The following SLC12A7 variants were observed in gnomAD, a reference collection of about 807,000 sequenced individuals.
The protein encoded by SLC12A7 is solute carrier family 12 member 7, also known as K-Cl cotransporter 4.
A neutral mutation model predicts 120.6 loss-of-function variants in SLC12A7; 100 were observed. That is an observed-to-expected ratio of 0.83 (90% CI 0.71 to 0.98). SLC12A7 has a LOEUF of 0.98. Among genes scored for constraint, SLC12A7 ranks in the 50% least tolerant of loss-of-function variants. The pLI is 0.00. For synonymous variants in SLC12A7, 760 were observed against 678.0 expected, an observed-to-expected ratio of 1.12 and a Z score of -1.88; for missense variants, 1,373 against 1,548.1, an observed-to-expected ratio of 0.89 and a Z score of 1.90.
At chr5:1,126,940 G>A in the SLC12A7 span, among the ~76,000 whole-genome samples, 3 of 152,196 alleles carry the variant, frequency 2.0e-5, no homozygotes, top group African/African-American at 7.2e-5. Context: ...TGACTGGGAG[G>A]TGGCTCCTTG....
At chr5:1,098,150 T>A (rs1741516275) in intron 1 of SLC12A7, among the ~76,000 whole-genome samples, 1 of 43,600 alleles carries the variant, frequency 2.3e-5, no homozygotes, top group Non-Finnish European at 3.9e-5. Flanking sequence ...CCCACAACCC[T>A]CTGCAAGCCC....
At position 1,052,315 on chromosome 5, in the gene SLC12A7, G is replaced by A. The variant is rs771243015; in HGVS notation, c.*45C>T. The A allele has an allele frequency of 9.8e-6, 15 of 1,530,084 alleles. No individual in the cohort carries two copies. Among genetic ancestry groups the A allele is most frequent in the Middle Eastern group, 1.7e-4 (1 of 5,930 alleles). The allele number at this position is 1,530,084 out of a possible 1,614,324, so 94.8% of individuals were successfully genotyped here. On this transcript the variant is annotated 3_prime_UTR_variant, in exon 24 of 24. Transcript: ENST00000264930. ...CCAAGCCCAGGCCCAGGCTGCCCAC[G>A]CCGTCCTCCGTGCCTGTCCCAGAGT... is the stretch of plus-strand genomic sequence containing the variant.
chr5:1,065,468 G>A lies in SLC12A7; in HGVS notation c.2252C>T (p.Ser751Phe), dbSNP rs114762864. 434 of 1,591,378 alleles carry A rather than the reference G, an allele frequency of 2.7e-4. 1 individual carries two copies. In the African/African-American group the frequency reaches 5.0e-3, roughly 18 times the overall value. The change falls in exon 18 of 24, where the codon TCC becomes TTC. Residue 751 changes from serine to phenylalanine, a missense_variant. Ser to Phe is a radical substitution (Grantham distance 155). Coordinates refer to ENST00000264930, the MANE Select transcript of SLC12A7 (RefSeq NM_006598.3). ...CTTGGTCTTCTCTGTGCTCATTAGG[G>A]ACCGTATGTTCTGCGGGAGACAGGA... is the stretch of plus-strand genomic sequence containing the variant. ...EAQRAEENIR[S>F]LMSTEKTKGF... is the part of the protein sequence containing the mutation.
At position 1,065,480 on chromosome 5, in the gene SLC12A7, T is replaced by C. The variant is rs769959772; in HGVS notation, c.2242-2A>G. The C allele has an allele frequency of 3.2e-6, 5 of 1,575,042 alleles. No homozygotes were observed. Among genetic ancestry groups the C allele is most frequent in the Admixed American group, 1.8e-5 (1 of 56,766 alleles). Reference sequence around the variant, plus strand: ...TGTGCTCATTAGGGACCGTATGTTCTGCGGGAGACAGGACAGGTTGGTGCT... The same window carrying C: ...TGTGCTCATTAGGGACCGTATGTTCCGCGGGAGACAGGACAGGTTGGTGCT... On this transcript the variant is annotated splice_acceptor_variant, in intron 17 of 23. Transcript: ENST00000264930. LOFTEE classifies it high-confidence loss of function.
intron 18 of SLC12A7, among the ~76,000 whole-genome samples, chr5:1,065,082 C>T (rs1736869932): frequency 3.0e-5 from 4 of 132,426 alleles, no homozygotes; most frequent in African/African-American, 8.8e-5. Flanking sequence ...AGCAAGGGGA[C>T]ACTGAGGAGA....
chr5:1,112,728 C>A, upstream of SLC12A7, among the ~76,000 whole-genome samples: 1 of 140,100 alleles, frequency 7.1e-6, no homozygotes, highest in Non-Finnish European at 1.5e-5. Context: ...CCCGCTCAGA[C>A]CCTGGGCTCC....
chr5:1,139,901 G>A, the SLC12A7 span, among the ~76,000 whole-genome samples: 3 of 152,232 alleles, frequency 2.0e-5, no homozygotes, highest in South Asian at 2.1e-4. Context: ...TCCAAACGGC[G>A]TTTCCGGATG....
At chr5:1,066,433 C>T (rs1490201072) in intron 17 of SLC12A7, among the ~76,000 whole-genome samples, 5 of 152,150 alleles carry the variant, frequency 3.3e-5, no homozygotes, top group African/African-American at 1.2e-4. Context: ...AGGCCTGAGA[C>T]TTCAGGAGAC....
At chr5:1,060,254 G>A (rs141021575) in intron 21 of SLC12A7, 90 bp downstream of exon 21, 15 of 979,830 alleles carry the variant, frequency 1.5e-5, no homozygotes, top group Admixed American at 1.1e-4. Context: ...GAGGACCCTC[G>A]TGGGCTGCAG....
At chr5:1,092,874 G>C (rs1740675296) in intron 3 of SLC12A7, among the ~76,000 whole-genome samples, 1 of 152,150 alleles carries the variant, frequency 6.6e-6, no homozygotes, top group Non-Finnish European at 1.5e-5. Flanking sequence ...CACGGGTCCA[G>C]GGTCTTTCTC....
At chr5:1,142,296 C>G in the SLC12A7 span, among the ~76,000 whole-genome samples, 5 of 118,042 alleles carry the variant, frequency 4.2e-5, no homozygotes, top group Non-Finnish European at 9.1e-5. Context: ...CTCCCCTCCC[C>G]CCTCGCCCCT....
At chr5:1,063,531 T>A (rs1209599884) in intron 20 of SLC12A7, among the ~76,000 whole-genome samples, 8 of 152,142 alleles carry the variant, frequency 5.3e-5, no homozygotes, top group Non-Finnish European at 1.0e-4. Flanking sequence ...CTTTCTGTGA[T>A]GTCCTGGCGA....
At chr5:1,053,976 G>C (rs569208944) in intron 22 of SLC12A7, among the ~76,000 whole-genome samples, 1 of 152,212 alleles carries the variant, frequency 6.6e-6, no homozygotes, top group South Asian at 2.1e-4. Context: ...CGAGGGTCCT[G>C]ATACAACTGG....
chr5:1,067,000 C>A (rs1737125024), intron 17 of SLC12A7, among the ~76,000 whole-genome samples: 1 of 152,162 alleles, frequency 6.6e-6, no homozygotes, highest in Non-Finnish European at 1.5e-5. Context: ...CCTACGTCAG[C>A]CTGACTGGTA....
chr5:1,118,355 C>T, the SLC12A7 span, among the ~76,000 whole-genome samples: 3 of 152,212 alleles, frequency 2.0e-5, no homozygotes, highest in Non-Finnish European at 4.4e-5. Flanking sequence ...GTCCATGGGC[C>T]TCAGCCCCTT....
Position 1,052,194 on chromosome 5 carries a change from C to G in SLC12A7, c.*166G>C, listed in dbSNP as rs6890452. ...CCTGTTAAGGCTGAACAGGAGAGCC[C>G]TAGGTGACGGGCCTAGAAACTTCCG... is the stretch of plus-strand genomic sequence containing the variant. On this transcript the variant is annotated 3_prime_UTR_variant, in exon 24 of 24. Transcript: ENST00000264930. 1.6e-6 allele frequency: 1 copy of G among 636,074 alleles called. No homozygotes were observed. Among genetic ancestry groups the G allele is most frequent in the Admixed American group, 2.6e-5 (1 of 38,512 alleles). 39.4% of individuals were successfully genotyped at this position (636,074 alleles called of 1,614,324 possible).
chr5:1,093,918 G>A (rs1272631147), intron 2 of SLC12A7, among the ~76,000 whole-genome samples: 1 of 152,148 alleles, frequency 6.6e-6, no homozygotes, highest in Non-Finnish European at 1.5e-5. Context: ...TTCCCGTGGG[G>A]CCGGAGCACC....
intron 3 of SLC12A7, among the ~76,000 whole-genome samples, chr5:1,093,042 C>T (rs991813374): frequency 4.6e-5 from 7 of 152,182 alleles, no homozygotes; most frequent in Non-Finnish European, 7.4e-5. Context: ...CTGCACCCCC[C>T]TCGTTTCCTA....
the SLC12A7 span, among the ~76,000 whole-genome samples, chr5:1,119,206 A>G: frequency 1.3e-5 from 2 of 152,300 alleles, no homozygotes; most frequent in African/African-American, 4.8e-5. Flanking sequence ...GGGATCAGAG[A>G]AGCACCTGCA....
Sources: gnomAD v4.1 joint callset for allele counts (sites outside exome capture counted in the v4.1 genomes callset) on GRCh38, gnomAD v4.1.1 for gene constraint, MANE v1.5 for transcripts, NCBI Gene and HGNC (gene_info 2026-07-23, HGNC 2026-07-21) for gene names.